The following KIAA0040 variants were observed in gnomAD, a reference collection of about 807,000 sequenced individuals.
KIAA0040 encodes the protein uncharacterized protein KIAA0040.
Under a neutral mutation model 7.2 loss-of-function variants are expected in KIAA0040, and 10 were observed. The observed-to-expected ratio is 1.38, with a 90% CI of 0.85 to 2.34. The LOEUF (loss-of-function observed/expected upper bound fraction) is 2.34. Among genes scored for constraint, KIAA0040 ranks in the 30% most tolerant of loss-of-function variants. The probability of loss-of-function intolerance (pLI) is 0.00; values close to 1 mark genes in which losing one functional copy is unlikely to be tolerated. For missense variants in KIAA0040, 89 were observed against 108.2 expected, an observed-to-expected ratio of 0.82 and a Z score of 0.79; for synonymous variants, 49 against 40.1, an observed-to-expected ratio of 1.22 and a Z score of -0.84.
At chr1:175,170,558 A>T (rs924860525) in intron 2 of KIAA0040, among the ~76,000 whole-genome samples, 1 of 152,110 alleles carries the variant, frequency 6.6e-6, no homozygotes, top group Non-Finnish European at 1.5e-5. Context: ...ATCACATAAT[A>T]GGTGCTAATA....
chr1:175,184,808 T>A (rs946622124), intron 1 of KIAA0040, among the ~76,000 whole-genome samples: 1 of 152,216 alleles, frequency 6.6e-6, no homozygotes, highest in African/African-American at 2.4e-5. Flanking sequence ...AGGGCCAGGA[T>A]AAGTGCTCTA....
intron 1 of KIAA0040, 58 bp downstream of exon 1, chr1:175,192,582 A>G (rs1365354677): frequency 6.6e-6 from 1 of 152,200 alleles, no homozygotes; most frequent in Non-Finnish European, 1.5e-5. Context: ...CTTCTTCCAA[A>G]CAGAGGGCGC....
At chr1:175,187,500 G>A (rs1414591850) in intron 1 of KIAA0040, among the ~76,000 whole-genome samples, 3 of 152,204 alleles carry the variant, frequency 2.0e-5, no homozygotes, top group Admixed American at 1.3e-4. Context: ...GGAATCACAG[G>A]TTAGAAACCA....
intron 2 of KIAA0040, chr1:175,176,342 C>A (rs1292489649): frequency 6.6e-6 from 1 of 152,268 alleles, no homozygotes; most frequent in Admixed American, 6.5e-5. Context: ...TCTTAAAATG[C>A]AAAGATCAAA....
chr1:175,161,940 C>T (rs1676559838), intron 3 of KIAA0040, among the ~76,000 whole-genome samples: 1 of 152,190 alleles, frequency 6.6e-6, no homozygotes. Context: ...TCTCTTTCTT[C>T]TCTATGGGAG....
rs572150283 is a variant in KIAA0040, at chr1:175,187,110, A to G, written c.-384+5530T>C. Among the ~76,000 whole-genome samples, 11 of 152,360 alleles carry G rather than the reference A, an allele frequency of 7.2e-5. No homozygotes were observed. The South Asian group carries it at 2.1e-3, about 29-fold the overall frequency. On this transcript the variant is annotated intron_variant, in intron 1 of 3. Coordinates refer to ENST00000423313, the MANE Select transcript of KIAA0040 (RefSeq NM_014656.3). ...AAGCTAAGTCTGCAGGACTGGCCTTAAGAGTAACTTATTCTCTTTTGTTAT... is the reference window on the plus strand; with the variant it reads ...AAGCTAAGTCTGCAGGACTGGCCTTGAGAGTAACTTATTCTCTTTTGTTAT...
At chr1:175,183,337 A>AT (rs1489320480) in intron 1 of KIAA0040, among the ~76,000 whole-genome samples, 1 of 152,192 alleles carries the variant, frequency 6.6e-6, no homozygotes, top group Non-Finnish European at 1.5e-5. Flanking sequence ...ACTGGTTATG[A>AT]TCTGGGGAGA....
chr1:175,182,739 A>G (rs967071660), intron 1 of KIAA0040, among the ~76,000 whole-genome samples: 3 of 152,204 alleles, frequency 2.0e-5, no homozygotes, highest in African/African-American at 7.2e-5. Context: ...TTCCTCAACT[A>G]TAAAAGGGGG....
chr1:175,172,841 T>C (rs1677040632), intron 2 of KIAA0040, among the ~76,000 whole-genome samples: 1 of 152,242 alleles, frequency 6.6e-6, no homozygotes, highest in South Asian at 2.1e-4. Context: ...TGAGATAATG[T>C]GTGTGAAGCA....
At position 175,183,088 on chromosome 1, in the gene KIAA0040, G is replaced by C. The variant is rs6676909; in HGVS notation, c.-383-5404C>G. On this transcript the variant is annotated intron_variant, in intron 1 of 3. Coordinates refer to ENST00000423313, the MANE Select transcript of KIAA0040 (RefSeq NM_014656.3). ...GGGAAAAGGAGGATTTGTTAGCCCA[G>C]GGGCCATTTTCTGGAATCATCTGTA... Among the ~76,000 whole-genome samples, 529 of 152,310 alleles carry C rather than the reference G, an allele frequency of 3.5e-3. 6 individuals carry two copies. Among genetic ancestry groups the C allele is most frequent in the African/African-American group, 0.011 (457 of 41,558 alleles).
chr1:175,178,974 G>C (rs1028891329), intron 1 of KIAA0040, among the ~76,000 whole-genome samples: 16 of 150,522 alleles, frequency 1.1e-4, no homozygotes, highest in Non-Finnish European at 1.6e-4. Context: ...ACGGGGCGGG[G>C]GGGGGGATAT....
chr1:175,160,709 CCTAA>C lies in KIAA0040; in HGVS notation c.*1_*4del, dbSNP rs775936701. The C allele has an allele frequency of 2.3e-5, 36 of 1,542,330 alleles. No homozygotes were observed. The highest frequency in any genetic ancestry group is 3.1e-5 in the Non-Finnish European group (36 of 1,143,812). The stretch of plus-strand genomic sequence containing the variant: ...AGAAAGGAAACACCTCTGCTTCCTG[CCTAA>C]CTAAACAGGCAGTGATGGTCTCTTC... On this transcript the variant is annotated 3_prime_UTR_variant, in exon 4 of 4. Coordinates refer to ENST00000423313, the MANE Select transcript of KIAA0040 (RefSeq NM_014656.3).
chr1:175,162,127 C>G (rs1272825087), intron 3 of KIAA0040, among the ~76,000 whole-genome samples: 2 of 152,300 alleles, frequency 1.3e-5, no homozygotes, highest in East Asian at 3.9e-4. Context: ...GCTCAGCTCT[C>G]AAGTATAAGG....
chr1:175,163,904 A>C (rs2101878098), intron 3 of KIAA0040, among the ~76,000 whole-genome samples: 1 of 152,358 alleles, frequency 6.6e-6, no homozygotes, highest in African/African-American at 2.4e-5. Flanking sequence ...GTCAGTTTTC[A>C]TGAAGGTGGA....
At chr1:175,189,305 T>C (rs1023827863) in intron 1 of KIAA0040, among the ~76,000 whole-genome samples, 1 of 152,176 alleles carries the variant, frequency 6.6e-6, no homozygotes, top group Non-Finnish European at 1.5e-5. Flanking sequence ...TTCAGGGCCA[T>C]TGGATTAAAT....
At chr1:175,183,589 G>T (rs1201635431) in intron 1 of KIAA0040, among the ~76,000 whole-genome samples, 5 of 152,210 alleles carry the variant, frequency 3.3e-5, no homozygotes, top group Non-Finnish European at 7.3e-5. Flanking sequence ...CACAATTGGG[G>T]TTGCAGCTCA....
chr1:175,169,909 G>A (rs891354518), intron 2 of KIAA0040, among the ~76,000 whole-genome samples: 3 of 152,058 alleles, frequency 2.0e-5, no homozygotes, highest in African/African-American at 4.8e-5. Context: ...CTCCCTCAAT[G>A]TATTTAATGA....
intron 1 of KIAA0040, among the ~76,000 whole-genome samples, chr1:175,191,460 G>A (rs1677862714): frequency 1.3e-5 from 2 of 152,204 alleles, no homozygotes; most frequent in South Asian, 4.1e-4. Flanking sequence ...CAGACAAAAG[G>A]AAAGACTTGG....
chr1:175,162,883 A>G (rs79030929), intron 3 of KIAA0040, among the ~76,000 whole-genome samples: 5,218 of 152,304 alleles, frequency 0.034, 196 homozygotes, highest in African/African-American at 0.096. Flanking sequence ...ATGGAGCCCA[A>G]AGAAATGTTA....
Sources: gnomAD v4.1 joint callset for allele counts (sites outside exome capture counted in the v4.1 genomes callset) on GRCh38, gnomAD v4.1.1 for gene constraint, MANE v1.5 for transcripts, NCBI Gene and HGNC (gene_info 2026-07-23, HGNC 2026-07-21) for gene names.